Variants in CSMD1 observed in about 807,000 individuals in gnomAD.
The protein encoded by CSMD1 is CUB and sushi domain-containing protein 1.
Under a neutral mutation model 417.5 loss-of-function variants are expected in CSMD1, and 213 were observed. That is an observed-to-expected ratio of 0.51 (90% CI 0.46 to 0.57). The LOEUF is 0.57. Ranked by LOEUF, CSMD1 falls within the 20% of genes least tolerant of loss-of-function variation. CSMD1 has a pLI of 0.00. For synonymous variants in CSMD1, 2,862 were observed against 1,736.8 expected (o/e 1.65, Z -16.11); for missense variants, 6,923 against 4,529.7 (o/e 1.53, Z -15.17).
At chr8:4,027,406 C>T (rs757496725) in intron 4 of CSMD1, among the ~76,000 whole-genome samples, 26 of 152,072 alleles carry the variant, frequency 1.7e-4, no homozygotes, top group Non-Finnish European at 3.7e-4. Context: ...GTTGGGGAGG[C>T]ACATTGTGGG....
At chr8:4,884,964 C>G (rs746120828) in intron 1 of CSMD1, among the ~76,000 whole-genome samples, 3 of 152,076 alleles carry the variant, frequency 2.0e-5, no homozygotes, top group African/African-American at 7.2e-5. Flanking sequence ...TATGAAATCT[C>G]CCAACACAGA....
At chr8:4,000,302 A>G (rs538345986) in intron 4 of CSMD1, among the ~76,000 whole-genome samples, 8 of 152,372 alleles carry the variant, frequency 5.3e-5, no homozygotes, top group African/African-American at 1.7e-4. Context: ...CAGCTGCACA[A>G]CTGCCCAGCT....
At chr8:4,638,913 A>G (rs1338625355) in intron 1 of CSMD1, among the ~76,000 whole-genome samples, 1 of 152,172 alleles carries the variant, frequency 6.6e-6, no homozygotes, top group Non-Finnish European at 1.5e-5. Context: ...AGCACTTCTC[A>G]GGTGACTCCC....
chr8:3,324,581 G>A (rs1005752826), intron 23 of CSMD1, among the ~76,000 whole-genome samples: 1 of 148,758 alleles, frequency 6.7e-6, no homozygotes, highest in African/African-American at 2.5e-5. Flanking sequence ...CTAACCCCCA[G>A]GGACCCAGGA....
At chr8:4,453,309 G>A (rs151280126) in intron 2 of CSMD1, among the ~76,000 whole-genome samples, 23 of 151,944 alleles carry the variant, frequency 1.5e-4, no homozygotes, top group African/African-American at 5.1e-4. Flanking sequence ...GCAATCAACT[G>A]TCCCCAAGAA....
At chr8:4,626,771 G>C (rs551647553) in intron 2 of CSMD1, among the ~76,000 whole-genome samples, 99 of 152,240 alleles carry the variant, frequency 6.5e-4, no homozygotes, top group African/African-American at 2.3e-3. Flanking sequence ...TATTCACTTA[G>C]ATCTGAAAAC....
chr8:3,290,087 C>T (rs955373175), intron 25 of CSMD1, among the ~76,000 whole-genome samples: 3 of 147,000 alleles, frequency 2.0e-5, no homozygotes, highest in East Asian at 2.0e-4. Context: ...ATAGGGAATG[C>T]TTTCCCCATT....
chr8:4,401,626 G>T (rs13279785), intron 3 of CSMD1, among the ~76,000 whole-genome samples: 3 of 151,980 alleles, frequency 2.0e-5, no homozygotes, highest in African/African-American at 7.2e-5. Flanking sequence ...CAAGAATCCC[G>T]GATTCTGTGT....
intron 7 of CSMD1, among the ~76,000 whole-genome samples, chr8:3,656,302 G>T (rs1798101285): frequency 6.6e-6 from 1 of 152,190 alleles, no homozygotes; most frequent in South Asian, 2.1e-4. Context: ...TACTCTCTCA[G>T]AAGCTTAGGG....
chr8:4,924,442 G>C (rs1283269161), intron 1 of CSMD1, among the ~76,000 whole-genome samples: 1 of 152,090 alleles, frequency 6.6e-6, no homozygotes, highest in East Asian at 1.9e-4. Flanking sequence ...AAAACCTACA[G>C]CCAGGCACGG....
At chr8:4,145,628 A>G (rs539004397) in intron 3 of CSMD1, among the ~76,000 whole-genome samples, 1 of 150,800 alleles carries the variant, frequency 6.6e-6, no homozygotes, top group Admixed American at 6.6e-5. Flanking sequence ...GGCTCAAGCG[A>G]TCCTGCCCAC....
intron 1 of CSMD1, among the ~76,000 whole-genome samples, chr8:4,980,271 T>C (rs1190204001): frequency 6.6e-6 from 1 of 152,176 alleles, no homozygotes; most frequent in East Asian, 1.9e-4. Context: ...CCCAGAACTT[T>C]CCTAGCATGC....
At chr8:4,110,141 G>C (rs566358822) in intron 3 of CSMD1, among the ~76,000 whole-genome samples, 3 of 151,942 alleles carry the variant, frequency 2.0e-5, no homozygotes, top group Non-Finnish European at 2.9e-5. Context: ...AGAATAATAA[G>C]GTTTAAATAT....
At chr8:3,254,646 C>T (rs1463676911) in intron 26 of CSMD1, among the ~76,000 whole-genome samples, 1 of 152,190 alleles carries the variant, frequency 6.6e-6, no homozygotes, top group Non-Finnish European at 1.5e-5. Context: ...GATACCCTTT[C>T]TTCTAGTTGA....
intron 2 of CSMD1, among the ~76,000 whole-genome samples, chr8:4,612,822 G>C (rs1026694129): frequency 6.6e-6 from 1 of 152,206 alleles, no homozygotes; most frequent in African/African-American, 2.4e-5. Flanking sequence ...GGCTTTGACA[G>C]AATTTAAGAG....
At chr8:3,888,146 T>G (rs945753412) in intron 5 of CSMD1, among the ~76,000 whole-genome samples, 1 of 152,184 alleles carries the variant, frequency 6.6e-6, no homozygotes, top group Non-Finnish European at 1.5e-5. Context: ...CTAACATCAT[T>G]TGTATGCAAT....
intron 30 of CSMD1, among the ~76,000 whole-genome samples, chr8:3,212,592 G>C (rs139121895): frequency 2.8e-3 from 428 of 152,196 alleles, no homozygotes; most frequent in African/African-American, 0.01. Flanking sequence ...GAGCTCAAGG[G>C]ATCCACTAGC....
At chr8:3,067,556 G>A (rs1188688548) in intron 49 of CSMD1, among the ~76,000 whole-genome samples, 2 of 151,414 alleles carry the variant, frequency 1.3e-5, no homozygotes, top group African/African-American at 4.8e-5. Flanking sequence ...TCTAAAGTGA[G>A]CTCAACTCTA....
At chr8:4,681,859 G>A (rs1584938859) in intron 1 of CSMD1, among the ~76,000 whole-genome samples, 1 of 152,078 alleles carries the variant, frequency 6.6e-6, no homozygotes, top group East Asian at 1.9e-4. Context: ...AGGTGAGGAA[G>A]GTAACTCTGC....
Sources: allele counts gnomAD v4.1 joint callset (sites outside exome capture counted in the v4.1 genomes callset), GRCh38; gene constraint gnomAD v4.1.1; transcripts MANE v1.5; gene names NCBI Gene and HGNC (gene_info 2026-07-23, HGNC 2026-07-21).